Variants in NLK observed in about 807,000 individuals in gnomAD.
The protein encoded by NLK is nemo like kinase.
In NLK, 11 loss-of-function variants were observed where a neutral mutation model predicts 59.0. That is an observed-to-expected ratio of 0.19 (90% CI 0.12 to 0.31). NLK has a LOEUF of 0.31. Among genes scored for constraint, NLK ranks in the 10% least tolerant of loss-of-function variants. The probability of loss-of-function intolerance (pLI) is 1.00; values close to 1 mark genes in which losing one functional copy is unlikely to be tolerated. For synonymous variants in NLK, 235 were observed against 235.9 expected (o/e 1.00, Z 0.03); for missense variants, 410 against 661.1 (o/e 0.62, Z 4.16).
intron 1 of NLK, among the ~76,000 whole-genome samples, chr17:28,084,635 C>T (rs527889933): frequency 1.3e-5 from 2 of 152,188 alleles, no homozygotes; most frequent in African/African-American, 4.8e-5. Context: ...GCAATCTCGG[C>T]TCACTGCAAC....
chr17:28,152,419 C>T (rs1907517993), intron 3 of NLK, among the ~76,000 whole-genome samples: 2 of 152,170 alleles, frequency 1.3e-5, no homozygotes. Context: ...GTTTTCTCTC[C>T]GCTGCTTACG....
chr17:28,084,214 G>C (rs1241892536), intron 1 of NLK, among the ~76,000 whole-genome samples: 1 of 152,146 alleles, frequency 6.6e-6, no homozygotes, highest in Non-Finnish European at 1.5e-5. Flanking sequence ...TCTGCAAAGT[G>C]AAAGTAAAAG....
intron 1 of NLK, among the ~76,000 whole-genome samples, chr17:28,108,745 A>G (rs1222177178): frequency 2.0e-5 from 3 of 152,244 alleles, no homozygotes; most frequent in Non-Finnish European, 2.9e-5. Flanking sequence ...TTAAAATTAC[A>G]TGCTTACTAT....
At chr17:28,145,893 GAC>G (rs1247804669) in intron 3 of NLK, among the ~76,000 whole-genome samples, 3 of 152,022 alleles carry the variant, frequency 2.0e-5, no homozygotes, top group Non-Finnish European at 4.4e-5. Context: ...TTTTAGTAGA[GAC>G]AGTGTTTCAC....
intron 1 of NLK, among the ~76,000 whole-genome samples, chr17:28,093,561 C>T (rs1567712071): frequency 6.6e-6 from 1 of 152,142 alleles, no homozygotes; most frequent in African/African-American, 2.4e-5. Flanking sequence ...CTTCACAGAA[C>T]TTGAGTTGAG....
At position 28,051,566 on chromosome 17, in the gene NLK, C is replaced by T. The variant is rs547868178; in HGVS notation, c.458+8235C>T. Among the ~76,000 whole-genome samples the T allele has an allele frequency of 7.2e-5, 11 of 151,928 alleles. No individual in the cohort carries two copies. The South Asian group carries it at 1.5e-3, about 20-fold the overall frequency. On this transcript the variant is annotated intron_variant, in intron 1 of 10. Transcript: ENST00000407008. ...TAGAGACGGGGTTTCACCATGTTGG[C>T]CAGGATGGTCTCGATCTCTTGACCT...
chr17:28,083,322 A>T (rs1015830153), intron 1 of NLK, among the ~76,000 whole-genome samples: 1 of 152,178 alleles, frequency 6.6e-6, no homozygotes, highest in African/African-American at 2.4e-5. Flanking sequence ...TGAAAAATAC[A>T]TGAATTTGTG....
At chr17:28,049,863 C>T (rs1384194879) in intron 1 of NLK, among the ~76,000 whole-genome samples, 2 of 152,104 alleles carry the variant, frequency 1.3e-5, no homozygotes, top group Non-Finnish European at 2.9e-5. Context: ...GCCTATAATC[C>T]CAGCTACTTG....
At chr17:28,099,215 T>C (rs193302767) in intron 1 of NLK, among the ~76,000 whole-genome samples, 54 of 152,330 alleles carry the variant, frequency 3.5e-4, no homozygotes, top group Non-Finnish European at 6.5e-4. Flanking sequence ...CTTTTATTAG[T>C]GCAGTGGAGT....
At chr17:28,192,287 A>G (rs1909332845) in intron 10 of NLK, 74 bp downstream of exon 10, 2 of 786,526 alleles carry the variant, frequency 2.5e-6, no homozygotes, top group African/African-American at 1.7e-5. Flanking sequence ...TATTCAGCAT[A>G]TTTGTTTTTA....
intron 3 of NLK, among the ~76,000 whole-genome samples, chr17:28,148,376 ATCTATTTAAGCATATATGAT>A (rs1237560573): frequency 3.3e-5 from 5 of 152,174 alleles, no homozygotes; most frequent in African/African-American, 9.7e-5. Flanking sequence ...GGGGATATGA[ATCTATTTAAGCATATATGAT>A]TCATAAGTGC....
intron 1 of NLK, among the ~76,000 whole-genome samples, chr17:28,111,935 GTGTGTGTGTGTA>G (rs1326934535): frequency 8.7e-5 from 13 of 149,122 alleles, no homozygotes; most frequent in African/African-American, 3.0e-4. Context: ...GTGTGTGTGT[GTGTGTGTGTGTA>G]TGTGTAGGGA....
rs184538960 is a variant in NLK, at chr17:28,160,058, C to T, written c.645-1102C>T. ...AGGCAGTTTGATATACCAGTCTGCA[C>T]TTAAGGAAAGATTAACTAGAGAGAG... is the stretch of plus-strand genomic sequence containing the variant. On this transcript the variant is annotated intron_variant, in intron 3 of 10. Transcript: ENST00000407008. 2.7e-3 allele frequency among the ~76,000 whole-genome samples: 409 copies of T among 152,208 alleles called. 1 individual carries two copies. Among genetic ancestry groups the T allele is most frequent in the Non-Finnish European group, 4.5e-3 (305 of 68,016 alleles).
At chr17:28,047,737 T>C (rs1220627477) in intron 1 of NLK, among the ~76,000 whole-genome samples, 6 of 152,230 alleles carry the variant, frequency 3.9e-5, no homozygotes, top group African/African-American at 1.4e-4. Context: ...TTGCTCATCT[T>C]GTGAACATGA....
chr17:28,143,913 A>G (rs1180120820), intron 3 of NLK, among the ~76,000 whole-genome samples: 1 of 152,248 alleles, frequency 6.6e-6, no homozygotes, highest in Admixed American at 6.5e-5. Flanking sequence ...TTATTATGAC[A>G]TATTTATACA....
intron 3 of NLK, among the ~76,000 whole-genome samples, chr17:28,133,322 A>G (rs1906599371): frequency 6.6e-6 from 1 of 152,220 alleles, no homozygotes; most frequent in African/African-American, 2.4e-5. Context: ...CCAAGATCAC[A>G]GAGCTAGTAA....
intron 5 of NLK, among the ~76,000 whole-genome samples, chr17:28,164,369 C>CAAA (rs962344405): frequency 2.0e-4 from 12 of 61,416 alleles, no homozygotes; most frequent in Middle Eastern, 7.8e-3. Flanking sequence ...GACCCTGTCT[C>CAAA]AAAAAAAAAA....
At chr17:28,114,317 T>A (rs1905660708) in intron 1 of NLK, among the ~76,000 whole-genome samples, 2 of 152,210 alleles carry the variant, frequency 1.3e-5, no homozygotes, top group South Asian at 4.1e-4. Context: ...ATAGATAATG[T>A]CAACTTGTTT....
chr17:28,097,749 A>G (rs1904753744), intron 1 of NLK, among the ~76,000 whole-genome samples: 2 of 152,184 alleles, frequency 1.3e-5, no homozygotes, highest in Admixed American at 1.3e-4. Flanking sequence ...AGTGTCTTCA[A>G]TTAAGATGAT....
Sources: allele counts gnomAD v4.1 joint callset (sites outside exome capture counted in the v4.1 genomes callset), GRCh38; gene constraint gnomAD v4.1.1; transcripts MANE v1.5; gene names NCBI Gene and HGNC (gene_info 2026-07-23, HGNC 2026-07-21).